NBPF8: variants seen among roughly 807,000 people sequenced by gnomAD.
NBPF8 encodes NBPF member 8.
intron 15 of NBPF8, among the ~76,000 whole-genome samples, chr1:120,454,659 T>G (rs1366362764): frequency 5.7e-5 from 8 of 141,504 alleles, no homozygotes; most frequent in African/African-American, 2.1e-4. Flanking sequence ...TTCTCCACCC[T>G]GTCAATGCAA....
At chr1:120,430,582 A>T (rs1660848969) in intron 3 of NBPF8, among the ~76,000 whole-genome samples, 1 of 137,588 alleles carries the variant, frequency 7.3e-6, no homozygotes. Context: ...GTGAAACCCC[A>T]TCTCTACTAA....
downstream of NBPF8, among the ~76,000 whole-genome samples, chr1:120,467,936 C>T (rs1298128025): frequency 6.7e-6 from 1 of 149,896 alleles, no homozygotes; most frequent in South Asian, 2.1e-4. Context: ...CATTTGTATT[C>T]TTCGTGAGTG....
upstream of NBPF8, among the ~76,000 whole-genome samples, chr1:120,436,055 A>T (rs1412013078): frequency 2.0e-5 from 3 of 152,042 alleles, no homozygotes; most frequent in African/African-American, 7.3e-5. Flanking sequence ...GGTCTGTGGC[A>T]TTGTCACAAG....
chr1:120,425,523 G>A (rs12081879), intron 1 of NBPF8, among the ~76,000 whole-genome samples: 1 of 152,170 alleles, frequency 6.6e-6, no homozygotes, highest in African/African-American at 2.4e-5. Context: ...CCCCCTCTCT[G>A]GAAATGCCCG....
At chr1:120,462,346 T>A (rs1186720221) in intron 20 of NBPF8, 149 bp downstream of exon 18, 1 of 686,998 alleles carries the variant, frequency 1.5e-6, no homozygotes, top group African/African-American at 1.9e-5. Flanking sequence ...TTGCAGAAGA[T>A]GTTTAGGTTT....
intron 3 of NBPF8, among the ~76,000 whole-genome samples, chr1:120,430,926 G>A (rs1478307024): frequency 1.3e-5 from 2 of 151,590 alleles, no homozygotes; most frequent in African/African-American, 4.8e-5. Context: ...TTCGTAAATT[G>A]ATCTCCAGAT....
At chr1:120,461,016 CTGTGTGTGTGTGTGTGTGTGTG>C (rs202089337) in intron 18 of NBPF8, among the ~76,000 whole-genome samples, 95 of 131,310 alleles carry the variant, frequency 7.2e-4, no homozygotes, top group Admixed American at 1.5e-3. Context: ...TGAGCTCGAA[CTGTGTGTGTGTGTGTGTGTGTG>C]TGTGTGTGTG....
chr1:120,464,831 T>C (rs1570947063), intron 23 of NBPF8, among the ~76,000 whole-genome samples: 1 of 139,366 alleles, frequency 7.2e-6, no homozygotes, highest in Non-Finnish European at 1.6e-5. Flanking sequence ...CAGAGAACTA[T>C]GATTTTGACT....
At chr1:120,415,175 C>T (rs1660394853), upstream of NBPF8, among the ~76,000 whole-genome samples, 2 of 152,150 alleles carry the variant, frequency 1.3e-5, no homozygotes, top group Admixed American at 6.5e-5. Flanking sequence ...GAACGCGGGA[C>T]GGGCGACCTG....
upstream of NBPF8, among the ~76,000 whole-genome samples, chr1:120,416,804 G>A (rs1330084170): frequency 6.6e-6 from 1 of 151,392 alleles, no homozygotes; most frequent in Non-Finnish European, 1.5e-5. Flanking sequence ...CATTTAGCAG[G>A]GATATTCTGG....
At chr1:120,462,247 T>A in intron 20 of NBPF8, 50 bp downstream of exon 18, 2 of 695,706 alleles carry the variant, frequency 2.9e-6, no homozygotes, top group Middle Eastern at 3.8e-4. Flanking sequence ...CACCTGGAGA[T>A]GCCAGGTCCA....
rs1197266073 is a variant in NBPF8, at chr1:120,462,488, G to C, written n.3061+291G>C. ...TGAGCCCACTCTTTTCATGATCACT[G>C]TTCGCTGTGTGTCCCGAGGGCACTA... On this transcript the variant is annotated intron_variant and non_coding_transcript_variant, in intron 20 of 24. Transcript: ENST00000583271. Among the ~76,000 whole-genome samples the C allele has an allele frequency of 3.2e-4, 41 of 127,266 alleles. No homozygotes were observed. The East Asian group carries it at 0.011, about 33-fold the overall frequency. 83.5% of individuals were successfully genotyped at this position (127,266 alleles called of 152,430 possible).
downstream of NBPF8, among the ~76,000 whole-genome samples, chr1:120,469,153 T>C: frequency 1.1e-5 from 1 of 91,998 alleles, no homozygotes; most frequent in East Asian, 2.9e-4. Flanking sequence ...ACCAATCTCG[T>C]GGCTGAACTT....
At chr1:120,466,244 G>T (rs879177278) in exon 25 of NBPF8, 4 of 1,606,502 alleles carry the variant, frequency 2.5e-6, no homozygotes, top group East Asian at 2.2e-5. Context: ...AAGCCGAGAG[G>T]TGTCATTCCT....
intron 1 of NBPF8, among the ~76,000 whole-genome samples, chr1:120,425,730 C>T (rs1284331625): frequency 6.7e-6 from 1 of 148,760 alleles, no homozygotes; most frequent in Non-Finnish European, 1.5e-5. Context: ...TTCACTGAAC[C>T]ATTTTTATTC....
intron 13 of NBPF8, among the ~76,000 whole-genome samples, chr1:120,452,790 CACTT>C: frequency 6.6e-6 from 1 of 152,156 alleles, no homozygotes. Context: ...AATGTGGGAA[CACTT>C]ACAACTGCTT....
chr1:120,429,473 C>T (rs1167974833), intron 3 of NBPF8, among the ~76,000 whole-genome samples: 2 of 152,186 alleles, frequency 1.3e-5, no homozygotes, highest in East Asian at 3.9e-4. Flanking sequence ...GCCCTCCCTG[C>T]TGTCAGAACA....
chr1:120,450,752 G>T (rs1661244258), intron 11 of NBPF8, among the ~76,000 whole-genome samples: 1 of 152,090 alleles, frequency 6.6e-6, no homozygotes, highest in Non-Finnish European at 1.5e-5. Context: ...ACTTGTCCTT[G>T]AAATTCCCAG....
chr1:120,464,605 A>G, intron 23 of NBPF8, 57 bp downstream of exon 21: 1 of 796,496 alleles, frequency 1.3e-6, no homozygotes, highest in Non-Finnish European at 2.3e-6. Context: ...TATAAAGATC[A>G]TGTTCCTGCT....
Sources: gnomAD v4.1 joint callset for allele counts (sites outside exome capture counted in the v4.1 genomes callset) on GRCh38, gnomAD v4.1.1 for gene constraint, MANE v1.5 for transcripts, NCBI Gene and HGNC (gene_info 2026-07-23, HGNC 2026-07-21) for gene names.